CERKL: variants seen among roughly 807,000 people sequenced by gnomAD.
CERKL encodes the protein ceramide kinase-like protein.
A neutral mutation model predicts 63.4 loss-of-function variants in CERKL; 61 were observed. The observed-to-expected ratio is 0.96, with a 90% confidence interval of 0.78 to 1.19. The LOEUF (loss-of-function observed/expected upper bound fraction) is 1.19. Ranked by LOEUF, CERKL falls within the 50% of genes most tolerant of loss-of-function variation. The pLI is 0.00. For synonymous variants in CERKL, 250 were observed against 230.5 expected, an observed-to-expected ratio of 1.08 and a Z score of -0.77; for missense variants, 675 against 655.5, an observed-to-expected ratio of 1.03 and a Z score of -0.33.
At chr2:181,654,267 C>T (rs1007605058) in intron 1 of CERKL, among the ~76,000 whole-genome samples, 2 of 152,064 alleles carry the variant, frequency 1.3e-5, no homozygotes, top group Non-Finnish European at 2.9e-5. Context: ...AATAACACAT[C>T]CATTATTCCA....
intron 3 of CERKL, among the ~76,000 whole-genome samples, chr2:181,571,445 G>T (rs773736003): frequency 1.3e-5 from 2 of 152,108 alleles, no homozygotes; most frequent in Non-Finnish European, 2.9e-5. Context: ...ACATTTAGAT[G>T]ATTTCCTCTG....
chr2:181,652,397 GAC>G (rs1687980193), intron 1 of CERKL, among the ~76,000 whole-genome samples: 1 of 152,152 alleles, frequency 6.6e-6, no homozygotes, highest in Admixed American at 6.5e-5. Context: ...CTGGGAAAAA[GAC>G]AGTCTCTTCA....
intron 5 of CERKL, among the ~76,000 whole-genome samples, chr2:181,553,127 C>T (rs916627692): frequency 3.9e-5 from 6 of 152,168 alleles, no homozygotes; most frequent in Admixed American, 3.9e-4. Context: ...AGCAAGTTCA[C>T]AAGGTGAGTC....
chr2:181,656,591 T>G (rs1190548649), intron 1 of CERKL, among the ~76,000 whole-genome samples, 178 bp downstream of exon 1: 1 of 150,468 alleles, frequency 6.6e-6, no homozygotes, highest in Non-Finnish European at 1.5e-5. Flanking sequence ...AGTTCCCAGT[T>G]GGGAAGGAGG....
Position 181,548,829 on chromosome 2 carries a change from G to A in CERKL, c.924C>T (p.Thr308=). 2 of 1,614,012 alleles carry A rather than the reference G, an allele frequency of 1.2e-6. No homozygotes were observed. Among genetic ancestry groups the A allele is most frequent in the Non-Finnish European group, 1.7e-6 (2 of 1,179,952 alleles). Residue 308 remains threonine, a synonymous_variant, in exon 7 of 13, where the codon ACC becomes ACT. Transcript: ENST00000410087. ...GAAGAAGCTTGCCAGCGGTGCTGAA[G>A]GTGCAGACGTCGACCAGCTGTACAT... The part of the protein sequence containing the change: ...MGHVQLVDVC[T]FSTAGKLLRF...
intron 1 of CERKL, among the ~76,000 whole-genome samples, chr2:181,646,886 G>C (rs1173775462): frequency 3.9e-5 from 6 of 152,158 alleles, no homozygotes; most frequent in Non-Finnish European, 8.8e-5. Flanking sequence ...TGAACTAATG[G>C]AGATGGTCAG....
intron 1 of CERKL, among the ~76,000 whole-genome samples, chr2:181,616,543 A>T (rs1686207223): frequency 6.6e-6 from 1 of 152,188 alleles, no homozygotes; most frequent in Admixed American, 6.5e-5. Context: ...TAAAATACAG[A>T]CAATAAAAAT....
intron 2 of CERKL, 53 bp from the exon 3 acceptor site, chr2:181,573,937 T>C (rs1207251408): frequency 2.6e-6 from 4 of 1,557,704 alleles, no homozygotes; most frequent in Non-Finnish European, 3.5e-6. Context: ...TCATTTTTTT[T>C]CTTTCCCTTT....
At chr2:181,546,103 G>A (rs1183441948) in intron 10 of CERKL, among the ~76,000 whole-genome samples, 2 of 152,058 alleles carry the variant, frequency 1.3e-5, no homozygotes, top group Non-Finnish European at 2.9e-5. Flanking sequence ...TGATCAAAAG[G>A]TCTTTGCAAA....
At chr2:181,630,247 T>C (rs1686897377) in intron 1 of CERKL, among the ~76,000 whole-genome samples, 1 of 151,966 alleles carries the variant, frequency 6.6e-6, no homozygotes, top group Non-Finnish European at 1.5e-5. Context: ...GGTTTTGCCA[T>C]GTTTCCCAGG....
intron 1 of CERKL, among the ~76,000 whole-genome samples, chr2:181,631,298 G>T (rs1686943928): frequency 6.6e-6 from 1 of 152,042 alleles, no homozygotes; most frequent in South Asian, 2.1e-4. Flanking sequence ...TAAAAGTCTT[G>T]TGATTGAACT....
rs576383682 is a variant in CERKL at position 181,635,916 on chromosome 2, A to G, written c.238+20853T>C. Among the ~76,000 whole-genome samples the G allele has an allele frequency of 2.0e-5, 3 of 152,342 alleles. No homozygotes were observed. The East Asian group carries it at 5.8e-4, about 29-fold the overall frequency. On this transcript the variant is annotated intron_variant, in intron 1 of 12. Coordinates refer to ENST00000410087, the MANE Select transcript of CERKL (RefSeq NM_201548.5). Reference sequence around the variant, plus strand: ...TGAATGTATAAAGATTACATTATTTACTAACATCTAATGAATAATGTTTTC... The same window carrying G: ...TGAATGTATAAAGATTACATTATTTGCTAACATCTAATGAATAATGTTTTC...
chr2:181,547,732 G>C lies in CERKL; in HGVS notation c.1160-6C>G. ...TTGCCATTGATCATTACAGTCTAAAGGTAATGAAAGTGATTGGTTATTTTC... is the reference window on the plus strand; with the variant it reads ...TTGCCATTGATCATTACAGTCTAAACGTAATGAAAGTGATTGGTTATTTTC... On this transcript the variant is annotated splice_polypyrimidine_tract_variant and splice_region_variant and intron_variant, in intron 9 of 12. Coordinates refer to ENST00000410087, the MANE Select transcript of CERKL (RefSeq NM_201548.5). 6.2e-7 allele frequency: 1 copy of C among 1,612,706 alleles called. No homozygotes were observed. The highest frequency in any genetic ancestry group is 8.5e-7 in the Non-Finnish European group (1 of 1,178,750).
At chr2:181,586,998 C>T (rs1387547230) in intron 2 of CERKL, among the ~76,000 whole-genome samples, 1 of 152,172 alleles carries the variant, frequency 6.6e-6, no homozygotes, top group African/African-American at 2.4e-5. Context: ...CCTCAGTTAA[C>T]CACAAGTCTC....
intron 5 of CERKL, among the ~76,000 whole-genome samples, chr2:181,555,358 T>A (rs1393159211): frequency 1.3e-5 from 2 of 152,134 alleles, no homozygotes; most frequent in Non-Finnish European, 2.9e-5. Context: ...AGAAATAAAA[T>A]GCCATGAAAA....
Position 181,558,141 on chromosome 2 carries a change from G to T in CERKL, c.820+425C>A, listed in dbSNP as rs932724251. 6.6e-6 allele frequency among the ~76,000 whole-genome samples: 1 copy of T among 152,100 alleles called. No individual in the cohort carries two copies. The highest frequency in any genetic ancestry group is 1.5e-5 in the Non-Finnish European group (1 of 68,014). On this transcript the variant is annotated intron_variant, in intron 5 of 12. Coordinates refer to ENST00000410087, the MANE Select transcript of CERKL (RefSeq NM_201548.5). The surrounding 1 kb of genome is among the most constrained non-coding windows in gnomAD (Gnocchi z 4.2). ...GGTTATCTGGTTATACATCAATTATGCAAGTTACCATATTCACCTCATATG... is the reference window on the plus strand; with the variant it reads ...GGTTATCTGGTTATACATCAATTATTCAAGTTACCATATTCACCTCATATG...
At chr2:181,552,297 C>T (rs1203336229) in intron 5 of CERKL, among the ~76,000 whole-genome samples, 1 of 151,996 alleles carries the variant, frequency 6.6e-6, no homozygotes, top group Non-Finnish European at 1.5e-5. Context: ...AATTTTAATC[C>T]CCATAATCCC....
At chr2:181,625,113 G>C (rs1471628182) in intron 1 of CERKL, among the ~76,000 whole-genome samples, 1 of 152,144 alleles carries the variant, frequency 6.6e-6, no homozygotes, top group African/African-American at 2.4e-5. Flanking sequence ...TGGAGACTGG[G>C]AAAAAGCAGC....
intron 1 of CERKL, among the ~76,000 whole-genome samples, chr2:181,646,875 G>A (rs1426620024): frequency 6.6e-6 from 1 of 152,162 alleles, no homozygotes; most frequent in African/African-American, 2.4e-5. Flanking sequence ...TAATTAAGAG[G>A]TGAACTAATG....
Sources: allele counts gnomAD v4.1 joint callset (sites outside exome capture counted in the v4.1 genomes callset), GRCh38; gene constraint gnomAD v4.1.1; non-coding constraint Gnocchi (gnomAD v3.1); transcripts MANE v1.5; gene names NCBI Gene and HGNC (gene_info 2026-07-23, HGNC 2026-07-21).